The following VPS13B variants were observed in gnomAD, a reference collection of about 807,000 sequenced individuals.
VPS13B encodes the protein intermembrane lipid transfer protein VPS13B.
A neutral mutation model predicts 426.4 loss-of-function variants in VPS13B; 285 were observed. That is an observed-to-expected ratio of 0.67 (90% CI 0.61 to 0.74). The LOEUF (loss-of-function observed/expected upper bound fraction) is 0.74. Ranked by LOEUF, VPS13B falls within the 30% of genes least tolerant of loss-of-function variation. VPS13B has a pLI of 0.00. For synonymous variants in VPS13B, 1,676 were observed against 1,676.4 expected (o/e 1.00, Z 0.01); for missense variants, 4,537 against 4,782.6 (o/e 0.95, Z 1.51).
At chr8:99,023,428 C>G (rs928704556) in intron 2 of VPS13B, among the ~76,000 whole-genome samples, 44 of 151,684 alleles carry the variant, frequency 2.9e-4, no homozygotes, top group African/African-American at 1.1e-3. Context: ...GATTTTTTTT[C>G]TGGCATAATA....
chr8:99,364,580 G>A (rs1447069024), intron 19 of VPS13B, among the ~76,000 whole-genome samples: 2 of 151,966 alleles, frequency 1.3e-5, no homozygotes, highest in Non-Finnish European at 1.5e-5. Flanking sequence ...CTACAGACAT[G>A]TGCTACCATG....
chr8:99,357,107 G>T (rs1284619920), intron 19 of VPS13B, among the ~76,000 whole-genome samples: 1 of 151,998 alleles, frequency 6.6e-6, no homozygotes, highest in African/African-American at 2.4e-5. Flanking sequence ...CAATCTAATT[G>T]ATCAACTCCT....
chr8:99,032,401 G>A (rs1346186573), intron 2 of VPS13B, among the ~76,000 whole-genome samples: 1 of 151,586 alleles, frequency 6.6e-6, no homozygotes, highest in Non-Finnish European at 1.5e-5. Context: ...TATTTTCTGT[G>A]TGCCTCATGT....
chr8:99,548,420 T>TA (rs1304996529), intron 30 of VPS13B, among the ~76,000 whole-genome samples: 3 of 151,886 alleles, frequency 2.0e-5, no homozygotes, highest in African/African-American at 7.2e-5. Flanking sequence ...CCAAAAACTT[T>TA]AAAAAAACTC....
chr8:99,524,886 C>T (rs1233466177), intron 30 of VPS13B, among the ~76,000 whole-genome samples: 1 of 152,124 alleles, frequency 6.6e-6, no homozygotes, highest in Non-Finnish European at 1.5e-5. Flanking sequence ...ACATGACATA[C>T]TTAAAGTGCT....
chr8:99,134,361 GTTATTGCACACAGCT>G (rs1254754350), intron 8 of VPS13B, among the ~76,000 whole-genome samples: 1 of 152,124 alleles, frequency 6.6e-6, no homozygotes, highest in African/African-American at 2.4e-5. Context: ...GTATGGGACT[GTTATTGCACACAGCT>G]TTCACTTTTT....
chr8:99,572,152 A>G (rs998744720), intron 31 of VPS13B, among the ~76,000 whole-genome samples: 3 of 152,206 alleles, frequency 2.0e-5, no homozygotes, highest in African/African-American at 7.2e-5. Context: ...GGGAAATTTG[A>G]GGTATGGCTT....
At chr8:99,219,329 T>C (rs1307674678) in intron 17 of VPS13B, among the ~76,000 whole-genome samples, 1 of 152,072 alleles carries the variant, frequency 6.6e-6, no homozygotes, top group Non-Finnish European at 1.5e-5. Context: ...TGGGTTTCAG[T>C]TTAGTTGAAT....
At chr8:99,147,713 A>C in intron 13 of VPS13B, 128 bp from the exon 14 acceptor site, 1 of 472,160 alleles carries the variant, frequency 2.1e-6, no homozygotes, top group Non-Finnish European at 3.3e-6. Flanking sequence ...ATTATTTTAT[A>C]CCTGCTTCAT....
chr8:99,345,306 C>T (rs1811479090), intron 19 of VPS13B, among the ~76,000 whole-genome samples: 1 of 152,172 alleles, frequency 6.6e-6, no homozygotes, highest in Middle Eastern at 3.4e-3. Context: ...GCAAATCTGC[C>T]CACCTTAACC....
At chr8:99,400,725 G>T (rs1814987130) in intron 21 of VPS13B, among the ~76,000 whole-genome samples, 1 of 152,102 alleles carries the variant, frequency 6.6e-6, no homozygotes, top group Non-Finnish European at 1.5e-5. Flanking sequence ...AGGCTGGAGT[G>T]CAGTGCGCAA....
chr8:99,499,212 G>T (rs1200292292), intron 25 of VPS13B, among the ~76,000 whole-genome samples: 1 of 152,094 alleles, frequency 6.6e-6, no homozygotes, highest in African/African-American at 2.4e-5. Context: ...TTTCACAACA[G>T]ATTTGGAAAC....
chr8:99,282,109 C>T (rs1166343825), intron 19 of VPS13B, among the ~76,000 whole-genome samples: 1 of 152,110 alleles, frequency 6.6e-6, no homozygotes, highest in East Asian at 1.9e-4. Flanking sequence ...CTATTTCCCT[C>T]TTAATACTGT....
At chr8:99,536,866 T>C (rs759470413) in intron 30 of VPS13B, 1 of 480,526 alleles carries the variant, frequency 2.1e-6, no homozygotes, top group South Asian at 1.5e-5. Context: ...CACTAAACTT[T>C]AAGAATTTTC....
At chr8:99,217,184 A>T (rs1815436372) in intron 17 of VPS13B, among the ~76,000 whole-genome samples, 1 of 152,196 alleles carries the variant, frequency 6.6e-6, no homozygotes. Context: ...TAACATTTAT[A>T]ATAGTAACAA....
intron 21 of VPS13B, among the ~76,000 whole-genome samples, chr8:99,400,738 T>A (rs1485752435): frequency 1.3e-5 from 2 of 152,150 alleles, no homozygotes; most frequent in Non-Finnish European, 2.9e-5. Flanking sequence ...GTGCGCAATC[T>A]CAGCTCACTA....
At chr8:99,059,627 A>T (rs1489501531) in intron 3 of VPS13B, among the ~76,000 whole-genome samples, 1 of 152,094 alleles carries the variant, frequency 6.6e-6, no homozygotes, top group Non-Finnish European at 1.5e-5. Context: ...CTGAAGTATG[A>T]CTATCTATCA....
At chr8:99,384,460 T>C (rs1407767683) in intron 20 of VPS13B, 143 bp downstream of exon 20, 3 of 684,206 alleles carry the variant, frequency 4.4e-6, no homozygotes, top group Admixed American at 2.7e-5. Context: ...TTTCAAACAA[T>C]TCCGTTCCCT....
intron 17 of VPS13B, among the ~76,000 whole-genome samples, chr8:99,240,673 G>A (rs1007126141): frequency 7.2e-5 from 11 of 152,094 alleles, no homozygotes; most frequent in African/African-American, 2.2e-4. Flanking sequence ...TTGTACATAA[G>A]CCACATTATT....
Sources: gnomAD v4.1 joint callset for allele counts (sites outside exome capture counted in the v4.1 genomes callset) on GRCh38, gnomAD v4.1.1 for gene constraint, MANE v1.5 for transcripts, NCBI Gene and HGNC (gene_info 2026-07-23, HGNC 2026-07-21) for gene names.